Variants in MECOM observed in about 807,000 individuals in gnomAD.
MECOM encodes the protein MDS1 and EVI1 complex locus.
MECOM carries 13 observed loss-of-function variants against 116.3 expected under a neutral mutation model. That is an observed-to-expected ratio of 0.11 (90% CI 0.07 to 0.18). MECOM has a LOEUF of 0.18. Among genes scored for constraint, MECOM ranks in the 10% least tolerant of loss-of-function variants. MECOM has a pLI of 1.00. For missense variants in MECOM, 1,299 were observed against 1,509.0 expected, an observed-to-expected ratio of 0.86 and a Z score of 2.31; for synonymous variants, 528 against 535.2, an observed-to-expected ratio of 0.99 and a Z score of 0.19.
Position 169,295,994 on chromosome 3 carries a change from C to A in MECOM, c.375+85193G>T, listed in dbSNP as rs80029868. ...TAACATATTGGTTGAACCAACTGACCTTGCTCTGGCCTGATTCAACCATAG... is the reference window on the plus strand; with the variant it reads ...TAACATATTGGTTGAACCAACTGACATTGCTCTGGCCTGATTCAACCATAG... On this transcript the variant is annotated intron_variant, in intron 2 of 16. Transcript: ENST00000651503. Among the ~76,000 whole-genome samples, 765 of 152,304 alleles carry A rather than the reference C, an allele frequency of 5.0e-3. 5 individuals carry two copies. The highest frequency in any genetic ancestry group is 0.017 in the African/African-American group (726 of 41,562).
At chr3:169,456,093 G>A (rs951417815) in intron 1 of MECOM, among the ~76,000 whole-genome samples, 3 of 152,118 alleles carry the variant, frequency 2.0e-5, no homozygotes, top group South Asian at 2.1e-4. Flanking sequence ...CCACCTTCTT[G>A]GAAATTTATA....
rs140418646 is a variant in MECOM at position 169,115,569 on chromosome 3, C to T, written c.2303G>A (p.Ser768Asn). 177 of 1,614,088 alleles carry T rather than the reference C, an allele frequency of 1.1e-4. No individual in the cohort carries two copies. The Middle Eastern group carries it at 3.6e-3, about 33-fold the overall frequency. ...ACTTAGATCCAGGGGCTGGTCTTGG[C>T]TTGTGGCAGGTGTCACTGGAGGCTT... is the stretch of plus-strand genomic sequence containing the variant. ...PSKPPVTPAT[S>N]QDQPLDLSMG... Residue 768 changes from serine (S) to asparagine (N), a missense_variant, in exon 8 of 17, where the codon AGC (serine) becomes AAC (asparagine). Ser to Asn is a conservative substitution (Grantham distance 46). Around this residue, in one of 6 missense-constraint regions of MECOM, gnomAD observed 340 missense variants for 312.6 expected, o/e 1.09. Coordinates refer to ENST00000651503, the MANE Select transcript of MECOM (RefSeq NM_004991.4).
intron 2 of MECOM, among the ~76,000 whole-genome samples, chr3:169,243,082 A>C (rs1032386788): frequency 2.0e-5 from 3 of 152,154 alleles, no homozygotes; most frequent in African/African-American, 7.2e-5. Context: ...TCAATAATAA[A>C]TCTGCGTCTA....
chr3:169,442,598 T>G (rs1447340306), intron 1 of MECOM, among the ~76,000 whole-genome samples: 2 of 152,144 alleles, frequency 1.3e-5, no homozygotes, highest in African/African-American at 2.4e-5. Flanking sequence ...AATCATATAT[T>G]AAGGAGATTG....
rs554183716 is a variant in MECOM, at chr3:169,247,574, G to A, written c.376-103742C>T. On this transcript the variant is annotated intron_variant, in intron 2 of 16. Transcript: ENST00000651503. ...CCGCCTCGGCCTCCCAAAGTGCTGGGATTACAGGCGTGAGCCACTGTACCA... is the reference window on the plus strand; with the variant it reads ...CCGCCTCGGCCTCCCAAAGTGCTGGAATTACAGGCGTGAGCCACTGTACCA... Among the ~76,000 whole-genome samples, 8 of 152,314 alleles carry A rather than the reference G, an allele frequency of 5.3e-5. No individual in the cohort carries two copies. The South Asian group carries it at 1.4e-3, about 28-fold the overall frequency.
chr3:169,432,665 A>G (rs1243663762), intron 1 of MECOM, among the ~76,000 whole-genome samples: 1 of 152,252 alleles, frequency 6.6e-6, no homozygotes, highest in Non-Finnish European at 1.5e-5. Context: ...GTTAGGCTAT[A>G]CATCTATTTC....
intron 2 of MECOM, among the ~76,000 whole-genome samples, chr3:169,343,692 G>A (rs1000586998): frequency 6.6e-6 from 1 of 152,022 alleles, no homozygotes; most frequent in South Asian, 2.1e-4. Context: ...AACCTTTTAT[G>A]TACTGTACAA....
intron 12 of MECOM, among the ~76,000 whole-genome samples, chr3:169,097,817 T>TTAAAAAAAAAAAAAAA (rs1722127820): frequency 9.2e-5 from 8 of 87,194 alleles, no homozygotes; most frequent in Admixed American, 1.8e-4. Context: ...ACTGTCTATA[T>TTAAAAAAAAAAAAAAA]AAAAAAAAAA....
chr3:169,559,044 G>A (rs890813010), intron 1 of MECOM, among the ~76,000 whole-genome samples: 24 of 137,842 alleles, frequency 1.7e-4, no homozygotes, highest in African/African-American at 2.2e-4. Context: ...ACACACACAC[G>A]CGCACACACA....
intron 1 of MECOM, among the ~76,000 whole-genome samples, chr3:169,431,375 T>C (rs1262801229): frequency 1.3e-5 from 2 of 152,226 alleles, no homozygotes; most frequent in Non-Finnish European, 2.9e-5. Context: ...ATAGATGTCC[T>C]GATAATTGTT....
chr3:169,536,582 G>A (rs191526260), intron 1 of MECOM, among the ~76,000 whole-genome samples: 4 of 152,000 alleles, frequency 2.6e-5, no homozygotes, highest in African/African-American at 7.2e-5. Flanking sequence ...AAAAAAATTA[G>A]TGGAGCTAGA....
chr3:169,646,393 C>T (rs1048771183), intron 1 of MECOM, among the ~76,000 whole-genome samples: 15 of 151,974 alleles, frequency 9.9e-5, no homozygotes, highest in Non-Finnish European at 1.8e-4. Flanking sequence ...AGCACACCAA[C>T]ATGGCCGATG....
chr3:169,462,878 A>C (rs561561369), intron 1 of MECOM, among the ~76,000 whole-genome samples: 1 of 152,328 alleles, frequency 6.6e-6, no homozygotes, highest in South Asian at 2.1e-4. Flanking sequence ...TTATTTGTTC[A>C]TGAAACTTTG....
At chr3:169,612,334 T>C (rs1006091821) in intron 1 of MECOM, among the ~76,000 whole-genome samples, 9 of 152,174 alleles carry the variant, frequency 5.9e-5, no homozygotes, top group Non-Finnish European at 1.0e-4. Flanking sequence ...AGGCAGAAGC[T>C]GAAATGGAAT....
intron 1 of MECOM, among the ~76,000 whole-genome samples, chr3:169,540,828 C>T (rs1487066626): frequency 6.6e-6 from 1 of 152,156 alleles, no homozygotes; most frequent in African/African-American, 2.4e-5. Context: ...TATTTGTACT[C>T]CTTATAAAGA....
Position 169,646,895 on chromosome 3 carries a change from C to T in MECOM, c.37+16441G>A, listed in dbSNP as rs533417199. ...TCCCTAAACAAAACTAAAATCATAA[C>T]GTAATAGAAAATCACAATGCAGATA... On this transcript the variant is annotated intron_variant, in intron 1 of 16. Coordinates refer to ENST00000651503, the MANE Select transcript of MECOM (RefSeq NM_004991.4). Among the ~76,000 whole-genome samples, 38 of 152,096 alleles carry T rather than the reference C, an allele frequency of 2.5e-4. No homozygotes were observed. The East Asian group carries it at 5.8e-3, about 23-fold the overall frequency.
In MECOM at chr3:169,116,293, G is replaced by A; in HGVS notation, c.1579C>T (p.Pro527Ser). The stretch of plus-strand genomic sequence containing the variant: ...AGTATCTGAGGATGTGTCATGAGGG[G>A]ACTTTGACTTTTGTTTGTCTGTTCA... The part of the protein sequence containing the change: ...STEQTNKSQS[P>S]LMTHPQILPA... The change falls in exon 8 of 17, where the codon CCC (proline) becomes TCC (serine). Residue 527 changes from proline (P) to serine (S), a missense_variant. Pro to Ser is a moderately conservative substitution (Grantham distance 74, BLOSUM62 -1). This residue lies in a region of MECOM where 238 missense variants were observed against 273.1 expected (regional missense o/e 0.87). Transcript: ENST00000651503. 4 of 1,614,146 alleles carry A rather than the reference G, an allele frequency of 2.5e-6. No homozygotes were observed. The highest frequency in any genetic ancestry group is 3.4e-6 in the Non-Finnish European group (4 of 1,180,028).
intron 1 of MECOM, among the ~76,000 whole-genome samples, chr3:169,457,826 T>G (rs1243559486): frequency 2.6e-5 from 4 of 152,218 alleles, no homozygotes; most frequent in Non-Finnish European, 4.4e-5. Flanking sequence ...CCCCTTGGAA[T>G]AGGAGCAAAT....
intron 1 of MECOM, among the ~76,000 whole-genome samples, chr3:169,534,436 T>C (rs562611477): frequency 2.0e-4 from 31 of 152,290 alleles, no homozygotes; most frequent in African/African-American, 5.3e-4. Flanking sequence ...ACGCTTAGTA[T>C]CCCAGTGTAA....
Sources: gnomAD v4.1 joint callset for allele counts (sites outside exome capture counted in the v4.1 genomes callset) on GRCh38, gnomAD v4.1.1 for gene constraint, gnomAD v4.1.1 regional missense constraint, MANE v1.5 for transcripts, NCBI Gene and HGNC (gene_info 2026-07-23, HGNC 2026-07-21) for gene names.